Variants in MAP3K1 observed in about 807,000 individuals in gnomAD.
The protein encoded by MAP3K1 is mitogen-activated protein kinase kinase kinase 1, also known as MAP/ERK kinase kinase 1.
MAP3K1 carries 36 observed loss-of-function variants against 144.2 expected under a neutral mutation model. The observed-to-expected ratio is 0.25, with a 90% CI of 0.19 to 0.33. The LOEUF (loss-of-function observed/expected upper bound fraction) is 0.33, where lower values mean the gene tolerates loss of function less well. Ranked by LOEUF, MAP3K1 falls within the 10% of genes least tolerant of loss-of-function variation. The pLI is 1.00. For synonymous variants in MAP3K1, 718 were observed against 688.7 expected (o/e 1.04, Z -0.67); for missense variants, 1,650 against 1,881.9 (o/e 0.88, Z 2.28).
chr5:56,888,228 A>G lies in MAP3K1; in HGVS notation c.4260A>G (p.Val1420=). 5 of 1,613,618 alleles carry G rather than the reference A, an allele frequency of 3.1e-6. No individual in the cohort carries two copies. The highest frequency in any genetic ancestry group is 4.2e-6 in the Non-Finnish European group (5 of 1,179,538). Residue 1420 remains valine, a splice_region_variant and synonymous_variant, in exon 19 of 20, where the codon GTA becomes GTG. Coordinates refer to ENST00000399503, the MANE Select transcript of MAP3K1 (RefSeq NM_005921.2). ...AAATTAACTCTGATTTATTTTAGGT[A>G]CTAAGAGGTCAACAGTATGGAAGGA... ...LGTIAFMAPE[V]LRGQQYGRSC...
intron 1 of MAP3K1, among the ~76,000 whole-genome samples, chr5:56,841,523 A>G (rs1357077889): frequency 1.3e-5 from 2 of 152,204 alleles, no homozygotes; most frequent in Admixed American, 1.3e-4. Context: ...TTCACATTCA[A>G]AAACATGGAG....
chr5:56,827,328 CAG>C (rs2111769420), intron 1 of MAP3K1, among the ~76,000 whole-genome samples: 1 of 152,300 alleles, frequency 6.6e-6, no homozygotes, highest in East Asian at 1.9e-4. Flanking sequence ...CAGGTAACCA[CAG>C]AGTGTTAGGA....
intron 1 of MAP3K1, among the ~76,000 whole-genome samples, chr5:56,821,557 T>A (rs2111748627): frequency 6.6e-6 from 1 of 152,338 alleles, no homozygotes; most frequent in South Asian, 2.1e-4. Flanking sequence ...TTATCATTAC[T>A]TTTCTTTTTT....
intron 1 of MAP3K1, among the ~76,000 whole-genome samples, chr5:56,834,183 G>A (rs539299611): frequency 5.3e-5 from 8 of 152,250 alleles, no homozygotes; most frequent in Middle Eastern, 3.4e-3. Context: ...AACTGCTTAT[G>A]GTTGGAAACT....
At chr5:56,867,246 T>A (rs56275527) in intron 6 of MAP3K1, among the ~76,000 whole-genome samples, 5,893 of 152,242 alleles carry the variant, frequency 0.039, 398 homozygotes, top group African/African-American at 0.13. Context: ...ATATATATAT[T>A]TGGATTTGCA....
chr5:56,861,831 A>G (rs1388235703), intron 3 of MAP3K1, among the ~76,000 whole-genome samples: 3 of 152,180 alleles, frequency 2.0e-5, no homozygotes, highest in Non-Finnish European at 4.4e-5. Context: ...TCACTTTCTA[A>G]CTTTGAAGAA....
chr5:56,866,751 G>A (rs1227121323), intron 6 of MAP3K1, among the ~76,000 whole-genome samples: 1 of 152,074 alleles, frequency 6.6e-6, no homozygotes. Context: ...AAAGTGACAG[G>A]GTCGTAACAA....
chr5:56,841,218 T>C (rs1479427411), intron 1 of MAP3K1, among the ~76,000 whole-genome samples: 1 of 141,166 alleles, frequency 7.1e-6, no homozygotes, highest in Non-Finnish European at 1.6e-5. Context: ...AAAAAAAAAC[T>C]AGACAGGTTA....
intron 1 of MAP3K1, among the ~76,000 whole-genome samples, chr5:56,822,867 C>T (rs1254160737): frequency 6.6e-6 from 1 of 152,208 alleles, no homozygotes; most frequent in Non-Finnish European, 1.5e-5. Context: ...ACCCAGGAGT[C>T]ACCCTTGACA....
At chr5:56,879,553 T>G (rs778032293) in intron 11 of MAP3K1, among the ~76,000 whole-genome samples, 2 of 131,422 alleles carry the variant, frequency 1.5e-5, no homozygotes, top group Non-Finnish European at 3.5e-5. Context: ...ACTCTACTTA[T>G]GACAGTTTTG....
At chr5:56,887,083 G>A (rs908214446) in intron 17 of MAP3K1, among the ~76,000 whole-genome samples, 6 of 152,130 alleles carry the variant, frequency 3.9e-5, no homozygotes, top group Admixed American at 6.5e-5. Flanking sequence ...TTTCTCAAGA[G>A]CAAATTTGGT....
chr5:56,856,836 TTTC>T (rs763503059), intron 2 of MAP3K1, 86 bp downstream of exon 2: 30 of 1,390,778 alleles, frequency 2.2e-5, no homozygotes, highest in Non-Finnish European at 2.9e-5. Context: ...CTTGTAAGCT[TTTC>T]TTCTTCATTT....
intron 1 of MAP3K1, chr5:56,820,331 T>C (rs1192260115): frequency 1.6e-6 from 1 of 638,678 alleles, no homozygotes; most frequent in African/African-American, 2.0e-5. Context: ...TCCATTTCTT[T>C]CCACTACTCT....
rs1747657629 is a variant in MAP3K1 at position 56,865,892 on chromosome 5, A to T, written c.1216A>T (p.Asn406Tyr). The change falls in exon 6 of 20, where the codon AAC becomes TAC. Residue 406 changes from asparagine (N) to tyrosine (Y), a missense_variant. Physicochemically the swap from Asn to Tyr is moderately radical, Grantham distance 143. This residue lies in a region of MAP3K1 where 125 missense variants were observed against 179.9 expected (regional missense o/e 0.69). Transcript: ENST00000399503. Reference protein sequence around the residue: ...RSSRIKAPSRNTIQKFVSRMS... With the variant: ...RSSRIKAPSRYTIQKFVSRMS... ...CTCAAGGATCAAAGCTCCATCTCGT[A>T]ACACCATCCAGAAGTTTGTTTCACG... The T allele has an allele frequency of 2.5e-6, 4 of 1,613,808 alleles. 1 individual carries two copies. The highest frequency in any genetic ancestry group is 3.4e-6 in the Non-Finnish European group (4 of 1,179,684).
At chr5:56,818,090 A>G (rs1581201369) in intron 1 of MAP3K1, among the ~76,000 whole-genome samples, 1 of 152,230 alleles carries the variant, frequency 6.6e-6, no homozygotes, top group East Asian at 1.9e-4. Flanking sequence ...TTTATCCCAA[A>G]TGTCATACGT....
At chr5:56,844,288 T>A (rs996277110) in intron 1 of MAP3K1, among the ~76,000 whole-genome samples, 11 of 146,238 alleles carry the variant, frequency 7.5e-5, no homozygotes, top group African/African-American at 2.5e-4. Flanking sequence ...CATGCCATTC[T>A]CCAGCCTCAG....
chr5:56,837,919 A>G (rs1423579261), intron 1 of MAP3K1, among the ~76,000 whole-genome samples: 2 of 152,158 alleles, frequency 1.3e-5, no homozygotes, highest in African/African-American at 2.4e-5. Context: ...AGCACCTGGG[A>G]TGGTTTCTCC....
At chr5:56,852,770 G>C (rs1747213614) in intron 1 of MAP3K1, among the ~76,000 whole-genome samples, 1 of 152,152 alleles carries the variant, frequency 6.6e-6, no homozygotes, top group African/African-American at 2.4e-5. Context: ...ACCAACATGA[G>C]TTGGAGATGG....
intron 11 of MAP3K1, among the ~76,000 whole-genome samples, chr5:56,880,231 T>A (rs1748164458): frequency 6.6e-6 from 1 of 152,188 alleles, no homozygotes; most frequent in African/African-American, 2.4e-5. Flanking sequence ...CAAACTTAGG[T>A]TGTTTACCTG....
Sources: allele counts gnomAD v4.1 joint callset (sites outside exome capture counted in the v4.1 genomes callset), GRCh38; gene constraint gnomAD v4.1.1; regional missense constraint gnomAD v4.1.1; transcripts MANE v1.5; gene names NCBI Gene and HGNC (gene_info 2026-07-23, HGNC 2026-07-21).